CSMD1: variants seen among roughly 807,000 people sequenced by gnomAD.
The protein encoded by CSMD1 is CUB and sushi domain-containing protein 1.
A neutral mutation model predicts 417.5 loss-of-function variants in CSMD1; 213 were observed. The observed-to-expected ratio is 0.51, with a 90% CI of 0.46 to 0.57. The LOEUF (loss-of-function observed/expected upper bound fraction) is 0.57. CSMD1 is among the 20% of genes least tolerant of loss of function. CSMD1 has a pLI of 0.00. For synonymous variants in CSMD1, 2,862 were observed against 1,736.8 expected (o/e 1.65, Z -16.11); for missense variants, 6,923 against 4,529.7 (o/e 1.53, Z -15.17).
intron 7 of CSMD1, among the ~76,000 whole-genome samples, chr8:3,662,015 C>T (rs769795296): frequency 6.6e-6 from 1 of 152,120 alleles, no homozygotes; most frequent in African/African-American, 2.4e-5. Context: ...ATGGAAGAAG[C>T]GGGGGATTTT....
intron 50 of CSMD1, among the ~76,000 whole-genome samples, chr8:3,040,198 G>A (rs1810993657): frequency 6.6e-6 from 1 of 151,994 alleles, no homozygotes; most frequent in South Asian, 2.1e-4. Context: ...TTTATGTTCT[G>A]TTTATTTCCT....
intron 5 of CSMD1, among the ~76,000 whole-genome samples, chr8:3,799,073 G>C (rs1166429361): frequency 6.6e-6 from 1 of 151,896 alleles, no homozygotes; most frequent in Non-Finnish European, 1.5e-5. Flanking sequence ...ATTAGAACAT[G>C]AAAAACTTCC....
intron 12 of CSMD1, among the ~76,000 whole-genome samples, chr8:3,442,930 T>C (rs1815085052): frequency 6.6e-6 from 1 of 152,246 alleles, no homozygotes; most frequent in Non-Finnish European, 1.5e-5. Context: ...TGAGTATGTG[T>C]AGAATTGCTG....
chr8:4,402,425 A>C (rs1804704702), intron 3 of CSMD1, among the ~76,000 whole-genome samples: 1 of 152,044 alleles, frequency 6.6e-6, no homozygotes, highest in African/African-American at 2.4e-5. Context: ...GCGTTCCTGC[A>C]GCTGAGAGTG....
intron 3 of CSMD1, among the ~76,000 whole-genome samples, chr8:4,349,472 G>C (rs1008858933): frequency 5.3e-5 from 8 of 152,130 alleles, no homozygotes; most frequent in African/African-American, 1.9e-4. Context: ...AGGTTATATA[G>C]GTAGAAAATG....
intron 10 of CSMD1, among the ~76,000 whole-genome samples, chr8:3,540,030 G>A (rs922068414): frequency 6.6e-6 from 1 of 152,062 alleles, no homozygotes; most frequent in African/African-American, 2.4e-5. Context: ...CTTCTGTTGT[G>A]TCTGCTGCTG....
intron 6 of CSMD1, among the ~76,000 whole-genome samples, chr8:3,735,086 A>G (rs982798978): frequency 2.6e-5 from 4 of 152,232 alleles, no homozygotes; most frequent in African/African-American, 9.6e-5. Context: ...CAGCCACCAC[A>G]ACGATGTGAA....
intron 6 of CSMD1, among the ~76,000 whole-genome samples, chr8:3,713,943 G>T (rs1051639523): frequency 6.6e-6 from 1 of 151,868 alleles, no homozygotes; most frequent in Non-Finnish European, 1.5e-5. Context: ...TTTAAGTACT[G>T]CACCAAAAGA....
At chr8:3,941,714 A>G (rs1224736135) in intron 5 of CSMD1, among the ~76,000 whole-genome samples, 2 of 152,134 alleles carry the variant, frequency 1.3e-5, no homozygotes, top group African/African-American at 4.8e-5. Flanking sequence ...GATGTTATTT[A>G]TTTATTTTTT....
intron 7 of CSMD1, among the ~76,000 whole-genome samples, chr8:3,707,083 A>G (rs1404023793): frequency 1.3e-5 from 2 of 151,984 alleles, no homozygotes; most frequent in Non-Finnish European, 2.9e-5. Flanking sequence ...GGCCCAGGGG[A>G]CATGTTTACC....
At chr8:4,346,571 G>A (rs1330626954) in intron 3 of CSMD1, among the ~76,000 whole-genome samples, 5 of 152,042 alleles carry the variant, frequency 3.3e-5, no homozygotes, top group Non-Finnish European at 5.9e-5. Context: ...CGTGCTTTTC[G>A]TTATTGTTCT....
intron 12 of CSMD1, among the ~76,000 whole-genome samples, chr8:3,437,592 T>C (rs1563388453): frequency 1.3e-5 from 2 of 152,192 alleles, no homozygotes; most frequent in Non-Finnish European, 2.9e-5. Flanking sequence ...CAATGAATGT[T>C]ATTTATCCTT....
intron 2 of CSMD1, among the ~76,000 whole-genome samples, chr8:4,497,071 T>C (rs558517889): frequency 1.1e-4 from 16 of 152,340 alleles, no homozygotes; most frequent in African/African-American, 3.6e-4. Context: ...CTGTGAGTAC[T>C]GCTAGACAGA....
intron 41 of CSMD1, among the ~76,000 whole-genome samples, chr8:3,136,682 G>A (rs971565255): frequency 1.3e-5 from 2 of 152,138 alleles, no homozygotes; most frequent in Non-Finnish European, 2.9e-5. Flanking sequence ...ACTCAGAGCT[G>A]TTTGCACACA....
intron 7 of CSMD1, among the ~76,000 whole-genome samples, chr8:3,689,163 G>T (rs1266400463): frequency 2.0e-5 from 3 of 152,150 alleles, no homozygotes; most frequent in East Asian, 3.9e-4. Flanking sequence ...GCGCTCTAAG[G>T]TTGGGAACAT....
chr8:3,307,892 A>C (rs557066505), intron 24 of CSMD1, 71 bp from the exon 25 acceptor site: 1 of 1,540,340 alleles, frequency 6.5e-7, no homozygotes, highest in Non-Finnish European at 8.8e-7. Context: ...CTACTTTTCA[A>C]AACCAAAGCC....
At chr8:3,756,968 T>A (rs1240167929) in intron 5 of CSMD1, among the ~76,000 whole-genome samples, 2 of 152,136 alleles carry the variant, frequency 1.3e-5, no homozygotes, top group African/African-American at 4.8e-5. Flanking sequence ...AGTTTTGTAA[T>A]CTTTTAATTT....
Position 3,552,216 on chromosome 8 carries a change from T to G in CSMD1, c.1344+22729A>C, listed in dbSNP as rs536974756. On this transcript the variant is annotated intron_variant, in intron 10 of 69. Coordinates refer to ENST00000635120, the MANE Select transcript of CSMD1 (RefSeq NM_033225.6). ...TCTGTGGAAAAGACAACATTCTGAT[T>G]TAGAAAAAAGGGCTGAGGAAATTAC... 8.5e-5 allele frequency among the ~76,000 whole-genome samples: 13 copies of G among 152,184 alleles called. No homozygotes were observed. In the East Asian group the frequency reaches 2.5e-3, roughly 29 times the overall value.
At chr8:4,069,240 A>C (rs1202732212) in intron 3 of CSMD1, among the ~76,000 whole-genome samples, 3 of 152,222 alleles carry the variant, frequency 2.0e-5, no homozygotes, top group Non-Finnish European at 4.4e-5. Flanking sequence ...TGAGAAAATC[A>C]AAAATTTTGG....
Sources: gnomAD v4.1 joint callset for allele counts (sites outside exome capture counted in the v4.1 genomes callset) on GRCh38, gnomAD v4.1.1 for gene constraint, MANE v1.5 for transcripts, NCBI Gene and HGNC (gene_info 2026-07-23, HGNC 2026-07-21) for gene names.